PC: variants seen among roughly 807,000 people sequenced by gnomAD.
PC encodes the protein pyruvate carboxylase.
In PC, 46 loss-of-function variants were observed where a neutral mutation model predicts 107.8. That is an observed-to-expected ratio of 0.43 (90% CI 0.34 to 0.55). The LOEUF (loss-of-function observed/expected upper bound fraction) is 0.55. Ranked by LOEUF, PC falls within the 20% of genes least tolerant of loss-of-function variation. PC has a pLI of 0.04. For synonymous variants in PC, 662 were observed against 684.7 expected (o/e 0.97, Z 0.52); for missense variants, 1,241 against 1,643.1 (o/e 0.76, Z 4.23).
At chr11:66,935,148 G>C (rs1477307368) in intron 3 of PC, among the ~76,000 whole-genome samples, 1 of 152,232 alleles carries the variant, frequency 6.6e-6, no homozygotes, top group Non-Finnish European at 1.5e-5. Flanking sequence ...AATGCTGAAG[G>C]AAAGAACCAT....
chr11:66,871,211 G>A lies in PC; in HGVS notation c.488-14C>T. On this transcript the variant is annotated splice_polypyrimidine_tract_variant and intron_variant, in intron 6 of 22. Coordinates refer to ENST00000393960, the MANE Select transcript of PC (RefSeq NM_001040716.2). The surrounding 1 kb of genome is among the most constrained non-coding windows in gnomAD (Gnocchi z 7.4). ...CAACGGGAACACCTGTTGGGAGAAA[G>A]GTGTGGGGGAGTCTCTGTAACAGGC... 1 of 1,612,814 alleles carries A rather than the reference G, an allele frequency of 6.2e-7. No individual in the cohort carries two copies. The highest frequency in any genetic ancestry group is 8.5e-7 in the Non-Finnish European group (1 of 1,179,058).
chr11:66,882,802 G>A (rs563018045), intron 3 of PC, among the ~76,000 whole-genome samples: 10 of 152,292 alleles, frequency 6.6e-5, no homozygotes, highest in African/African-American at 2.2e-4. Context: ...CATGTCCGAC[G>A]GGCCCCAGGG....
Position 66,859,117 on chromosome 11 carries a change from G to A in PC, c.1368+4657C>T, listed in dbSNP as rs748116306. ...CGGTGAGGATGCGTGCCCCACACCCGGCTGCACTCCCGGCGCCCTTCCTCC... is the reference window on the plus strand; with the variant it reads ...CGGTGAGGATGCGTGCCCCACACCCAGCTGCACTCCCGGCGCCCTTCCTCC... On this transcript the variant is annotated intron_variant, in intron 12 of 22. Coordinates refer to ENST00000393960, the MANE Select transcript of PC (RefSeq NM_001040716.2). 2.1e-5 allele frequency: 31 copies of A among 1,475,976 alleles called. No homozygotes were observed. The Admixed American group carries it at 2.2e-4, about 11-fold the overall frequency. 91.4% of individuals were successfully genotyped at this position (1,475,976 alleles called of 1,614,324 possible).
chr11:66,854,880 T>G (rs969408681), intron 12 of PC, among the ~76,000 whole-genome samples: 3 of 152,216 alleles, frequency 2.0e-5, no homozygotes, highest in African/African-American at 7.2e-5. Context: ...CCTGAAGAGA[T>G]GCTGACATTT....
At chr11:66,880,773 G>GGTCCCATGCTGCAGTCCCATGCTGCA (rs534674028) in intron 3 of PC, among the ~76,000 whole-genome samples, 3 of 152,296 alleles carry the variant, frequency 2.0e-5, no homozygotes, top group East Asian at 3.9e-4. Flanking sequence ...CTCCCTCTGC[G>GGTCCCATGCTGCAGTCCCATGCTGCA]GTCCCATGCT....
chr11:66,885,519 T>G (rs1739328856), intron 3 of PC, among the ~76,000 whole-genome samples: 1 of 149,606 alleles, frequency 6.7e-6, no homozygotes. Context: ...TGACCTTATT[T>G]GGAAATAGGG....
Position 66,915,096 on chromosome 11 carries a change from G to A in PC, c.-1+37334C>T, listed in dbSNP as rs140965104. On this transcript the variant is annotated intron_variant, in intron 3 of 22. Transcript: ENST00000393960. Reference sequence around the variant, plus strand: ...GGGTCCTAGGGTGCGCCAATGGGGAGGGCTCACAAGGCAAACAGACAGCTC... The same window carrying A: ...GGGTCCTAGGGTGCGCCAATGGGGAAGGCTCACAAGGCAAACAGACAGCTC... Among the ~76,000 whole-genome samples the A allele has an allele frequency of 1.8e-4, 27 of 152,252 alleles. No homozygotes were observed. In the East Asian group the frequency reaches 4.2e-3, roughly 24 times the overall value.
At chr11:66,913,326 T>G (rs1948385774) in intron 3 of PC, among the ~76,000 whole-genome samples, 1 of 151,676 alleles carries the variant, frequency 6.6e-6, no homozygotes, top group Non-Finnish European at 1.5e-5. Context: ...TATAAAAACT[T>G]GAGTCACTCA....
At chr11:66,923,026 T>C (rs1365854288) in intron 3 of PC, among the ~76,000 whole-genome samples, 1 of 152,128 alleles carries the variant, frequency 6.6e-6, no homozygotes, top group Non-Finnish European at 1.5e-5. Flanking sequence ...TGCTGAGCAA[T>C]GATGGCGCAG....
chr11:66,948,055 ATAG>A, intron 3 of PC, among the ~76,000 whole-genome samples: 1 of 149,320 alleles, frequency 6.7e-6, no homozygotes, highest in African/African-American at 2.5e-5. Context: ...AGATAGATAG[ATAG>A]ATAGATATGC....
In PC at chr11:66,850,066, C is replaced by T; in HGVS notation, c.2769G>A (p.Gln923=). The part of the protein sequence containing the change: ...IVGDLAQFMV[Q]NGLSRAEAEA... ...CGGCCTCTGCCCGGCTCAATCCATT[C>T]TGCACCATAAACTGGGCCAGGTCCC... is the stretch of plus-strand genomic sequence containing the variant. The change falls in exon 20 of 23, where the codon CAG becomes CAA. Residue 923 remains glutamine, a synonymous_variant. Coordinates refer to ENST00000393960, the MANE Select transcript of PC (RefSeq NM_001040716.2). The T allele has an allele frequency of 6.2e-7, 1 of 1,613,746 alleles. No individual in the cohort carries two copies. Among genetic ancestry groups the T allele is most frequent in the Non-Finnish European group, 8.5e-7 (1 of 1,180,050 alleles).
Position 66,866,498 on chromosome 11 carries a change from C to T in PC, c.1023-149G>A, listed in dbSNP as rs1946502556. On this transcript the variant is annotated intron_variant, in intron 10 of 22. Coordinates refer to ENST00000393960, the MANE Select transcript of PC (RefSeq NM_001040716.2). The surrounding 1 kb of genome is among the most constrained non-coding windows in gnomAD (Gnocchi z 5.4). The stretch of plus-strand genomic sequence containing the variant: ...TCTGGGCCAGCCTGAACAGCCGGTT[C>T]CTCCCAACCAGTGGCTCCACCAGCC... 2 of 649,334 alleles carry T rather than the reference C, an allele frequency of 3.1e-6. No individual in the cohort carries two copies. Among genetic ancestry groups the T allele is most frequent in the Non-Finnish European group, 5.4e-6 (2 of 368,486 alleles). The allele number at this position is 649,334 out of a possible 1,614,324, so 40.2% of individuals were successfully genotyped here.
intron 3 of PC, among the ~76,000 whole-genome samples, chr11:66,897,890 C>T (rs945104431): frequency 6.6e-6 from 1 of 152,214 alleles, no homozygotes; most frequent in Non-Finnish European, 1.5e-5. Context: ...CAGGCATCTT[C>T]CTTTTAGCCC....
intron 3 of PC, chr11:66,907,913 T>C (rs948075628): frequency 1.3e-5 from 2 of 152,298 alleles, no homozygotes; most frequent in Non-Finnish European, 2.9e-5. Flanking sequence ...TTATAATTGA[T>C]GTTCTAGGTT....
chr11:66,922,443 G>A (rs796100670), intron 3 of PC, among the ~76,000 whole-genome samples: 10 of 151,586 alleles, frequency 6.6e-5, no homozygotes, highest in African/African-American at 2.4e-4. Flanking sequence ...GCGTGGTGGT[G>A]CGCGCCTGTA....
intron 3 of PC, among the ~76,000 whole-genome samples, chr11:66,904,542 G>A (rs578110173): frequency 1.3e-5 from 2 of 152,368 alleles, no homozygotes; most frequent in East Asian, 3.9e-4. Flanking sequence ...GGAGGCTGAG[G>A]TGGGAGAATC....
chr11:66,907,299 G>A (rs1025915333), intron 3 of PC, among the ~76,000 whole-genome samples: 5 of 152,164 alleles, frequency 3.3e-5, no homozygotes, highest in African/African-American at 7.2e-5. Context: ...AGGCCGAGGC[G>A]GGCAGATCAC....
At position 66,858,439 on chromosome 11, in the gene PC, G is replaced by A. The variant is rs1946012291; in HGVS notation, c.1369-5056C>T. 3 of 1,552,892 alleles carry A rather than the reference G, an allele frequency of 1.9e-6. No homozygotes were observed. The highest frequency in any genetic ancestry group is 2.6e-6 in the Non-Finnish European group (3 of 1,155,466). On this transcript the variant is annotated intron_variant, in intron 12 of 22. Transcript: ENST00000393960. This position sits in a 1 kb window ranked among gnomAD's most constrained non-coding sequence, Gnocchi z 5.9. Reference sequence around the variant, plus strand: ...CCCGCCCCCCTGGTGCTGAGCTTTAGCGGGAACCCCCTGCACTGCAACTGT... The same window carrying A: ...CCCGCCCCCCTGGTGCTGAGCTTTAACGGGAACCCCCTGCACTGCAACTGT...
intron 3 of PC, among the ~76,000 whole-genome samples, chr11:66,934,225 T>C (rs561015838): frequency 3.9e-5 from 6 of 152,252 alleles, no homozygotes; most frequent in Non-Finnish European, 7.4e-5. Context: ...CGGATTCACA[T>C]ATTCTACCCT....
Sources: allele counts gnomAD v4.1 joint callset (sites outside exome capture counted in the v4.1 genomes callset), GRCh38; gene constraint gnomAD v4.1.1; non-coding constraint Gnocchi (gnomAD v3.1); transcripts MANE v1.5; gene names NCBI Gene and HGNC (gene_info 2026-07-23, HGNC 2026-07-21).